The following FBXL7 variants were observed in gnomAD, a reference collection of about 807,000 sequenced individuals.
The protein encoded by FBXL7 is F-box/LRR-repeat protein 7.
A neutral mutation model predicts 38.3 loss-of-function variants in FBXL7; 12 were observed. The ratio of observed to expected loss-of-function variants is 0.31; its 90% CI spans 0.20 to 0.51. The LOEUF (loss-of-function observed/expected upper bound fraction) is 0.51. Among genes scored for constraint, FBXL7 ranks in the 20% least tolerant of loss-of-function variants. FBXL7 has a pLI of 0.98. For missense variants in FBXL7, 567 were observed against 676.4 expected (o/e 0.84, Z 1.79); for synonymous variants, 297 against 300.9 (o/e 0.99, Z 0.13).
chr5:15,621,749 G>A (rs1308975228), intron 2 of FBXL7, among the ~76,000 whole-genome samples: 1 of 152,184 alleles, frequency 6.6e-6, no homozygotes, highest in Non-Finnish European at 1.5e-5. Context: ...TGTTCTTTAA[G>A]TAGGACGCAT....
At chr5:15,889,781 A>G (rs1017937229) in intron 2 of FBXL7, among the ~76,000 whole-genome samples, 1 of 152,226 alleles carries the variant, frequency 6.6e-6, no homozygotes, top group African/African-American at 2.4e-5. Flanking sequence ...GGCACTGTGC[A>G]TTGAACATTT....
intron 2 of FBXL7, among the ~76,000 whole-genome samples, chr5:15,687,916 G>C (rs1743064641): frequency 1.3e-5 from 2 of 152,266 alleles, no homozygotes; most frequent in South Asian, 4.1e-4. Flanking sequence ...TCGAGGAACT[G>C]TTCACTATCT....
chr5:15,780,385 A>G (rs1736963034), intron 2 of FBXL7, among the ~76,000 whole-genome samples: 1 of 152,176 alleles, frequency 6.6e-6, no homozygotes, highest in Non-Finnish European at 1.5e-5. Flanking sequence ...TTGCAAGCTG[A>G]TCAAACTCCA....
intron 2 of FBXL7, among the ~76,000 whole-genome samples, chr5:15,786,280 C>T (rs1226444679): frequency 1.3e-5 from 2 of 152,100 alleles, no homozygotes; most frequent in Non-Finnish European, 2.9e-5. Flanking sequence ...CCCTCCCTCC[C>T]TTCTTTCATT....
intron 1 of FBXL7, among the ~76,000 whole-genome samples, chr5:15,504,092 G>A (rs935768183): frequency 2.0e-5 from 3 of 152,340 alleles, no homozygotes; most frequent in East Asian, 1.9e-4. Flanking sequence ...CATTTATCAC[G>A]TGCATGTTAA....
chr5:15,756,264 T>G (rs1478754000), intron 2 of FBXL7, among the ~76,000 whole-genome samples: 8 of 152,200 alleles, frequency 5.3e-5, no homozygotes, highest in African/African-American at 1.9e-4. Flanking sequence ...ATACATGATA[T>G]TTAACAATTC....
intron 1 of FBXL7, among the ~76,000 whole-genome samples, chr5:15,538,845 G>C (rs1737658888): frequency 6.6e-6 from 1 of 152,124 alleles, no homozygotes; most frequent in Non-Finnish European, 1.5e-5. Flanking sequence ...TGCTTATTTT[G>C]AGATTTATAC....
intron 2 of FBXL7, among the ~76,000 whole-genome samples, chr5:15,677,096 G>A (rs1397554334): frequency 6.6e-6 from 1 of 152,166 alleles, no homozygotes; most frequent in African/African-American, 2.4e-5. Flanking sequence ...AATAGCAATA[G>A]GAAAAATTTA....
intron 1 of FBXL7, among the ~76,000 whole-genome samples, chr5:15,552,997 G>A (rs1221329203): frequency 2.0e-5 from 3 of 151,644 alleles, no homozygotes; most frequent in Non-Finnish European, 4.4e-5. Flanking sequence ...CAGGAGAATC[G>A]CTAGAACCCT....
chr5:15,812,246 C>A (rs898395277), intron 2 of FBXL7, among the ~76,000 whole-genome samples: 1 of 152,108 alleles, frequency 6.6e-6, no homozygotes, highest in East Asian at 1.9e-4. Context: ...AACAAAAAAA[C>A]AAACCACCAC....
chr5:15,661,355 A>G (rs1249154389), intron 2 of FBXL7, among the ~76,000 whole-genome samples: 2 of 151,384 alleles, frequency 1.3e-5, no homozygotes, highest in African/African-American at 4.9e-5. Flanking sequence ...AAATAAAAAC[A>G]TTTTTAGTTC....
chr5:15,820,244 C>T (rs1046583493), intron 2 of FBXL7, among the ~76,000 whole-genome samples: 3 of 152,142 alleles, frequency 2.0e-5, no homozygotes, highest in African/African-American at 4.8e-5. Context: ...CCACACACTC[C>T]CACACTCCAG....
At chr5:15,598,622 A>G (rs879040584) in intron 1 of FBXL7, among the ~76,000 whole-genome samples, 1 of 152,062 alleles carries the variant, frequency 6.6e-6, no homozygotes, top group Admixed American at 6.6e-5. Flanking sequence ...TTGTTTTGCC[A>G]TGTGCATTTT....
intron 1 of FBXL7, among the ~76,000 whole-genome samples, chr5:15,566,642 G>A (rs986251018): frequency 1.3e-5 from 2 of 152,186 alleles, no homozygotes; most frequent in East Asian, 3.9e-4. Context: ...CATACAAGAA[G>A]CAACTTTTTG....
chr5:15,724,631 A>G (rs1744291720), intron 2 of FBXL7, among the ~76,000 whole-genome samples: 1 of 152,196 alleles, frequency 6.6e-6, no homozygotes, highest in Non-Finnish European at 1.5e-5. Context: ...ATTTTTGCTG[A>G]GCATAATGCT....
chr5:15,865,737 C>A (rs977441638), intron 2 of FBXL7, among the ~76,000 whole-genome samples: 2 of 152,078 alleles, frequency 1.3e-5, no homozygotes, highest in African/African-American at 4.8e-5. Flanking sequence ...AAAATGCCTT[C>A]TTGAAAACAA....
Position 15,500,842 on chromosome 5 carries a change from A to G in FBXL7, c.37+129A>G, listed in dbSNP as rs113746643. ...CCCCATTTGGCACCCTGTCTGGGTCACCACCTTCTCCTTTGGCAGTGAGTG... is the reference window on the plus strand; with the variant it reads ...CCCCATTTGGCACCCTGTCTGGGTCGCCACCTTCTCCTTTGGCAGTGAGTG... On this transcript the variant is annotated intron_variant, in intron 1 of 3. Transcript: ENST00000504595. 1,488 of 1,128,730 alleles carry G rather than the reference A, an allele frequency of 1.3e-3. 18 individuals carry two copies. The African/African-American group carries it at 0.021, about 16-fold the overall frequency. The allele number at this position is 1,128,730 out of a possible 1,614,324, so 69.9% of individuals were successfully genotyped here. A position where few individuals can be genotyped will look rare whatever the true frequency, so the allele number is the denominator to read the frequency against.
intron 2 of FBXL7, among the ~76,000 whole-genome samples, chr5:15,904,670 T>C (rs1741312205): frequency 6.6e-6 from 1 of 152,148 alleles, no homozygotes; most frequent in Non-Finnish European, 1.5e-5. Flanking sequence ...TTCCTAAATT[T>C]TTCCCTAAAA....
chr5:15,596,049 A>G (rs1009850726), intron 1 of FBXL7, among the ~76,000 whole-genome samples: 3 of 152,222 alleles, frequency 2.0e-5, no homozygotes, highest in Non-Finnish European at 4.4e-5. Context: ...CTTGCATGAC[A>G]GAAGGGAAAA....
Sources: allele counts gnomAD v4.1 joint callset (sites outside exome capture counted in the v4.1 genomes callset), GRCh38; gene constraint gnomAD v4.1.1; transcripts MANE v1.5; gene names NCBI Gene and HGNC (gene_info 2026-07-23, HGNC 2026-07-21).